The following SPOCK3 variants were observed in gnomAD, a reference collection of about 807,000 sequenced individuals.
The protein encoded by SPOCK3 is SPARC (osteonectin), cwcv and kazal like domains proteoglycan 3, also known as testican-3.
A neutral mutation model predicts 56.6 loss-of-function variants in SPOCK3; 30 were observed. The observed-to-expected ratio is 0.53, with a 90% CI of 0.40 to 0.72. SPOCK3 has a LOEUF of 0.72. SPOCK3 is among the 30% of genes least tolerant of loss of function. The probability of loss-of-function intolerance (pLI) is 0.00; values close to 1 mark genes in which losing one functional copy is unlikely to be tolerated. For synonymous variants in SPOCK3, 196 were observed against 183.3 expected (o/e 1.07, Z -0.56); for missense variants, 527 against 530.0 (o/e 0.99, Z 0.06).
chr4:167,039,260 A>C (rs977252715), intron 3 of SPOCK3, among the ~76,000 whole-genome samples: 4 of 152,158 alleles, frequency 2.6e-5, no homozygotes, highest in African/African-American at 9.7e-5. Context: ...ATTAAGGTCC[A>C]CCTAATAACC....
chr4:166,736,453 G>T (rs1174279619), intron 10 of SPOCK3, among the ~76,000 whole-genome samples: 1 of 152,058 alleles, frequency 6.6e-6, no homozygotes. Flanking sequence ...AAATCTAACT[G>T]CATTGGCCAG....
At chr4:166,912,548 G>A in intron 5 of SPOCK3, 72 bp downstream of exon 5, 1 of 1,365,212 alleles carries the variant, frequency 7.3e-7, no homozygotes, top group Non-Finnish European at 1.0e-6. Context: ...CATTGGATAA[G>A]CAATGGTTTT....
chr4:166,746,394 T>C (rs1484126657), intron 8 of SPOCK3, among the ~76,000 whole-genome samples: 1 of 152,008 alleles, frequency 6.6e-6, no homozygotes, highest in East Asian at 1.9e-4. Context: ...ACTGGGTACA[T>C]AACGAAATGA....
rs148242072 is a variant in SPOCK3 at position 166,811,100 on chromosome 4, C to T, written c.590-18811G>A. Among the ~76,000 whole-genome samples, 416 of 151,764 alleles carry T rather than the reference C, an allele frequency of 2.7e-3. 4 individuals carry two copies. Among genetic ancestry groups the T allele is most frequent in the African/African-American group, 9.2e-3 (383 of 41,468 alleles). On this transcript the variant is annotated intron_variant, in intron 6 of 10. Transcript: ENST00000357545. Reference sequence around the variant, plus strand: ...CTTGTATTATCCTCTTCTCTATAAACGATTATTCATTTGTGCATTTCTTCT... The same window carrying T: ...CTTGTATTATCCTCTTCTCTATAAATGATTATTCATTTGTGCATTTCTTCT...
chr4:166,884,846 GAA>G (rs1734035854), intron 6 of SPOCK3, among the ~76,000 whole-genome samples: 1 of 149,004 alleles, frequency 6.7e-6, no homozygotes, highest in South Asian at 2.1e-4. Flanking sequence ...GCACAAACCA[GAA>G]AGAAATTCCA....
At chr4:167,120,939 A>G (rs1337547974) in intron 2 of SPOCK3, among the ~76,000 whole-genome samples, 3 of 151,936 alleles carry the variant, frequency 2.0e-5, no homozygotes, top group Non-Finnish European at 4.4e-5. Context: ...AGTCACTTAC[A>G]TTTATCATTA....
intron 4 of SPOCK3, among the ~76,000 whole-genome samples, chr4:166,925,685 T>G (rs934296312): frequency 6.6e-6 from 1 of 152,070 alleles, no homozygotes; most frequent in African/African-American, 2.4e-5. Flanking sequence ...AATTTTTTTT[T>G]TTAAATATTT....
chr4:166,864,017 T>C (rs918833835), intron 6 of SPOCK3, among the ~76,000 whole-genome samples: 10 of 152,112 alleles, frequency 6.6e-5, no homozygotes, highest in Non-Finnish European at 1.3e-4. Context: ...TATTCTAAAA[T>C]TGACCACACA....
At chr4:166,852,303 T>A (rs1277391334) in intron 6 of SPOCK3, among the ~76,000 whole-genome samples, 2 of 151,728 alleles carry the variant, frequency 1.3e-5, no homozygotes, top group African/African-American at 2.4e-5. Flanking sequence ...ATAAAAATAA[T>A]AATAATAATA....
chr4:167,197,619 A>T (rs552927548), intron 2 of SPOCK3, among the ~76,000 whole-genome samples: 11 of 152,206 alleles, frequency 7.2e-5, no homozygotes, highest in Middle Eastern at 3.4e-3. Context: ...AGAAAAAAAA[A>T]AAATCCCACA....
At chr4:166,775,533 C>T (rs1241611569) in intron 7 of SPOCK3, among the ~76,000 whole-genome samples, 1 of 152,094 alleles carries the variant, frequency 6.6e-6, no homozygotes, top group East Asian at 1.9e-4. Context: ...TTCTGGGCAT[C>T]AAAGCTAGAA....
At chr4:167,005,459 C>T (rs1011912199) in intron 3 of SPOCK3, among the ~76,000 whole-genome samples, 22 of 152,056 alleles carry the variant, frequency 1.4e-4, no homozygotes, top group African/African-American at 4.6e-4. Context: ...GTGATCCGCC[C>T]GCCTCGGCCT....
chr4:166,928,943 G>C (rs1188368903), intron 4 of SPOCK3, among the ~76,000 whole-genome samples: 1 of 151,898 alleles, frequency 6.6e-6, no homozygotes, highest in Non-Finnish European at 1.5e-5. Context: ...ACTCCAGCCT[G>C]GGCGATAGAG....
At chr4:166,903,680 G>A (rs76660087) in intron 5 of SPOCK3, among the ~76,000 whole-genome samples, 3,955 of 151,890 alleles carry the variant, frequency 0.026, 156 homozygotes, top group African/African-American at 0.08. Flanking sequence ...CTCAGTTTCT[G>A]TGTTAGTGTT....
chr4:166,743,655 C>T (rs1040602306), intron 8 of SPOCK3, among the ~76,000 whole-genome samples: 2 of 152,192 alleles, frequency 1.3e-5, no homozygotes, highest in African/African-American at 2.4e-5. Flanking sequence ...CAGGGCGGGA[C>T]ATCGCCTCAC....
At position 167,160,021 on chromosome 4, in the gene SPOCK3, T is replaced by G. The variant is rs934238582; in HGVS notation, c.189+73964A>C. ...TCTCTCACCACTCCTATTCAACATA[T>G]TGTTGGAAGTTCTGGCCAGGGCAAT... On this transcript the variant is annotated intron_variant, in intron 2 of 10. Coordinates refer to ENST00000357545, the MANE Select transcript of SPOCK3 (RefSeq NM_001040159.2). Among the ~76,000 whole-genome samples, 177 of 152,034 alleles carry G rather than the reference T, an allele frequency of 1.2e-3. 1 individual carries two copies. Among genetic ancestry groups the G allele is most frequent in the East Asian group, 6.8e-3 (35 of 5,156 alleles).
chr4:167,234,300 G>A, intron 1 of SPOCK3, 127 bp from the exon 2 acceptor site: 2 of 914,260 alleles, frequency 2.2e-6, no homozygotes, highest in Admixed American at 2.2e-5. Flanking sequence ...GAGACAAGCA[G>A]AGGCAAGCGT....
intron 4 of SPOCK3, among the ~76,000 whole-genome samples, chr4:166,972,455 G>A (rs936538139): frequency 7.2e-5 from 11 of 151,948 alleles, no homozygotes; most frequent in Admixed American, 3.3e-4. Flanking sequence ...ACATCAAAAA[G>A]AAAAACTGAC....
At chr4:167,129,398 G>C (rs1366368057) in intron 2 of SPOCK3, among the ~76,000 whole-genome samples, 1 of 152,176 alleles carries the variant, frequency 6.6e-6, no homozygotes, top group Non-Finnish European at 1.5e-5. Flanking sequence ...CTTATCTGGT[G>C]CCCTGTCTCC....
Sources: allele counts gnomAD v4.1 joint callset (sites outside exome capture counted in the v4.1 genomes callset), GRCh38; gene constraint gnomAD v4.1.1; transcripts MANE v1.5; gene names NCBI Gene and HGNC (gene_info 2026-07-23, HGNC 2026-07-21).